Variants in SYNE1 observed in about 807,000 individuals in gnomAD.
SYNE1 encodes spectrin repeat containing nuclear envelope protein 1.
SYNE1 carries 616 observed loss-of-function variants against 1,111.0 expected under a neutral mutation model. The ratio of observed to expected loss-of-function variants is 0.55; its 90% CI spans 0.52 to 0.59. The LOEUF (loss-of-function observed/expected upper bound fraction) is 0.59. Among genes scored for constraint, SYNE1 ranks in the 20% least tolerant of loss-of-function variants. The pLI is 0.00. For synonymous variants in SYNE1, 3,855 were observed against 3,825.8 expected, an observed-to-expected ratio of 1.01 and a Z score of -0.28; for missense variants, 10,006 against 10,417.0, an observed-to-expected ratio of 0.96 and a Z score of 1.72.
At chr6:152,200,872 T>C (rs1354611108) in intron 127 of SYNE1, among the ~76,000 whole-genome samples, 1 of 152,232 alleles carries the variant, frequency 6.6e-6, no homozygotes, top group Non-Finnish European at 1.5e-5. Context: ...TTTCAAATAA[T>C]ATCCTTAGAT....
intron 56 of SYNE1, among the ~76,000 whole-genome samples, chr6:152,380,395 C>T (rs1436069171): frequency 1.3e-5 from 2 of 151,876 alleles, no homozygotes; most frequent in African/African-American, 4.8e-5. Flanking sequence ...ATTCTTCGGT[C>T]TCCCTTGTAG....
intron 74 of SYNE1, among the ~76,000 whole-genome samples, chr6:152,339,983 CA>C (rs1174666959): frequency 1.3e-5 from 2 of 152,212 alleles, no homozygotes; most frequent in Non-Finnish European, 2.9e-5. Flanking sequence ...GCCCATAAAG[CA>C]AAACCCTTGC....
intron 32 of SYNE1, among the ~76,000 whole-genome samples, chr6:152,438,434 T>C (rs1384748801): frequency 6.6e-6 from 1 of 152,176 alleles, no homozygotes; most frequent in Non-Finnish European, 1.5e-5. Context: ...AAGAGCAGAA[T>C]GATGGTGATA....
At chr6:152,415,076 A>G (rs764046125) in intron 41 of SYNE1, among the ~76,000 whole-genome samples, 17 of 152,160 alleles carry the variant, frequency 1.1e-4, no homozygotes, top group African/African-American at 1.9e-4. Flanking sequence ...TTTACCAATT[A>G]TGAATACCTT....
At chr6:152,221,234 G>A (rs1722870714) in intron 118 of SYNE1, among the ~76,000 whole-genome samples, 188 bp from the exon 119 acceptor site, 1 of 151,854 alleles carries the variant, frequency 6.6e-6, no homozygotes, top group African/African-American at 2.4e-5. Flanking sequence ...GCAATCTTTG[G>A]GTGTACAGTA....
chr6:152,247,578 T>C (rs1374954708), intron 105 of SYNE1, among the ~76,000 whole-genome samples: 1 of 151,308 alleles, frequency 6.6e-6, no homozygotes, highest in Non-Finnish European at 1.5e-5. Flanking sequence ...TCAAGAAAAA[T>C]GCACAGCCGG....
rs759889672 is a variant in SYNE1, at chr6:152,353,216, T to C, written c.11253+47A>G. On this transcript the variant is annotated intron_variant, in intron 69 of 145. Transcript: ENST00000367255. Reference sequence around the variant, plus strand: ...TATCTATGCAGGAGAATGGGGCAGCTTGGTGAACGGAAAGGTTGGATACAA... The same window carrying C: ...TATCTATGCAGGAGAATGGGGCAGCCTGGTGAACGGAAAGGTTGGATACAA... The C allele has an allele frequency of 3.1e-6, 5 of 1,610,704 alleles. No individual in the cohort carries two copies. In the South Asian group the frequency reaches 3.3e-5, roughly 11 times the overall value.
At chr6:152,421,257 A>G (rs2098254829) in intron 39 of SYNE1, among the ~76,000 whole-genome samples, 2 of 152,248 alleles carry the variant, frequency 1.3e-5, no homozygotes, top group Non-Finnish European at 2.9e-5. Flanking sequence ...CATACAGATT[A>G]TCTGCAGGCA....
chr6:152,201,953 T>C lies in SYNE1; in HGVS notation c.23020-4A>G. On this transcript the variant is annotated splice_region_variant and splice_polypyrimidine_tract_variant and intron_variant, in intron 126 of 145. Coordinates refer to ENST00000367255, the MANE Select transcript of SYNE1 (RefSeq NM_182961.4). ...CTTTCTCACATTTTTCCCAGTCCTA[T>C]CATGGGAATAAAAACAAATAGCATA... 1 of 1,613,810 alleles carries C rather than the reference T, an allele frequency of 6.2e-7. No homozygotes were observed. Among genetic ancestry groups the C allele is most frequent in the Non-Finnish European group, 8.5e-7 (1 of 1,179,856 alleles).
In SYNE1 at chr6:152,381,667, T is replaced by G. The variant is rs533976509; in HGVS notation, c.8653-305A>C. 2.6e-5 allele frequency: 11 copies of G among 425,058 alleles called. No individual in the cohort carries two copies. The East Asian group carries it at 3.4e-4, about 13-fold the overall frequency. 26.3% of individuals were successfully genotyped at this position (425,058 alleles called of 1,614,324 possible). ...ATGTTTAGTGACTCAAGTGTTTGCCTGTGGTGGATTGCTCCTGTGAATGAT... is the reference window on the plus strand; with the variant it reads ...ATGTTTAGTGACTCAAGTGTTTGCCGGTGGTGGATTGCTCCTGTGAATGAT... On this transcript the variant is annotated intron_variant, in intron 55 of 145. Transcript: ENST00000367255.
chr6:152,409,167 G>A lies in SYNE1; in HGVS notation c.6441C>T (p.Ser2147=), dbSNP rs764011301. The change falls in exon 44 of 146, where the codon AGC becomes AGT. Residue 2147 remains serine, a synonymous_variant. Transcript: ENST00000367255. ...GCTCAGATAACAAGTGTTTTCCTTT[G>A]CTGGTAAAGTTATCCAAGTCTTTCT... ...YKQKDLDNFT[S]KGKHLLSELK... 4 of 1,614,072 alleles carry A rather than the reference G, an allele frequency of 2.5e-6. No individual in the cohort carries two copies. The East Asian group carries it at 8.9e-5, about 36-fold the overall frequency.
chr6:152,202,268 A>T (rs2075618924), intron 126 of SYNE1, among the ~76,000 whole-genome samples: 2 of 138,742 alleles, frequency 1.4e-5, no homozygotes, highest in Admixed American at 1.7e-4. Context: ...AATTGCTTGA[A>T]CCCAGGAGGC....
chr6:152,365,270 A>G (rs555136825), intron 62 of SYNE1, among the ~76,000 whole-genome samples: 8 of 152,256 alleles, frequency 5.3e-5, no homozygotes, highest in African/African-American at 9.6e-5. Context: ...CTTCCTTCCA[A>G]TGAAGTTTTA....
At chr6:152,136,402 T>C (rs961337217) in intron 141 of SYNE1, among the ~76,000 whole-genome samples, 1 of 152,246 alleles carries the variant, frequency 6.6e-6, no homozygotes, top group African/African-American at 2.4e-5. Flanking sequence ...TCTTCTTATC[T>C]GGACAGAAGA....
Position 152,505,328 on chromosome 6 carries a change from A to G in SYNE1, c.651T>C (p.Ile217=). The change falls in exon 9 of 146, where the codon ATT becomes ATC. Residue 217 remains isoleucine, a synonymous_variant. Coordinates refer to ENST00000367255, the MANE Select transcript of SYNE1 (RefSeq NM_182961.4). ...CCACCAATTCCGGTCGAATGGCATG[A>G]ATAACTGAATGAAAGGCAACCCCGC... ...WRSGVAFHSV[I]HAIRPELVDL... is the part of the protein sequence containing the mutation. 1.2e-6 allele frequency: 2 copies of G among 1,614,100 alleles called. No homozygotes were observed. The highest frequency in any genetic ancestry group is 1.7e-6 in the Non-Finnish European group (2 of 1,180,004).
chr6:152,509,870 A>T (rs900370687), intron 8 of SYNE1, among the ~76,000 whole-genome samples: 3 of 152,338 alleles, frequency 2.0e-5, no homozygotes, highest in Non-Finnish European at 4.4e-5. Context: ...TTATATAAAG[A>T]TTATTTAATA....
intron 131 of SYNE1, 112 bp downstream of exon 131, chr6:152,164,051 G>T: frequency 6.9e-7 from 1 of 1,443,886 alleles, no homozygotes; most frequent in Admixed American, 1.7e-5. Flanking sequence ...GTCCTGCCTA[G>T]CTCCCTGCTG....
At chr6:152,344,376 G>T in intron 73 of SYNE1, 149 bp from the exon 74 acceptor site, 2 of 1,258,740 alleles carry the variant, frequency 1.6e-6, no homozygotes, top group Non-Finnish European at 2.2e-6. Context: ...GCAGTTGTAT[G>T]TCTCCCCAGA....
At chr6:152,155,574 A>G (rs2152949043) in intron 132 of SYNE1, 3 of 358,398 alleles carry the variant, frequency 8.4e-6, no homozygotes, top group South Asian at 4.8e-5. Flanking sequence ...TTAAAGATAA[A>G]TCTGCTTTTA....
Sources: gnomAD v4.1 joint callset for allele counts (sites outside exome capture counted in the v4.1 genomes callset) on GRCh38, gnomAD v4.1.1 for gene constraint, MANE v1.5 for transcripts, NCBI Gene and HGNC (gene_info 2026-07-23, HGNC 2026-07-21) for gene names.